MIER1: variants seen among roughly 807,000 people sequenced by gnomAD.
The protein encoded by MIER1 is MIER1 transcriptional regulator.
In MIER1, 40 loss-of-function variants were observed where a neutral mutation model predicts 75.7. That is an observed-to-expected ratio of 0.53 (90% CI 0.41 to 0.69). The LOEUF is 0.69. MIER1 is among the 30% of genes least tolerant of loss of function. The probability of loss-of-function intolerance (pLI) is 0.00; values close to 1 mark genes in which losing one functional copy is unlikely to be tolerated. For missense variants in MIER1, 574 were observed against 680.2 expected (o/e 0.84, Z 1.74); for synonymous variants, 213 against 223.4 (o/e 0.95, Z 0.42).
At chr1:66,971,499 T>C (rs1663604275) in intron 9 of MIER1, among the ~76,000 whole-genome samples, 156 bp from the exon 10 acceptor site, 1 of 152,114 alleles carries the variant, frequency 6.6e-6, no homozygotes, top group East Asian at 1.9e-4. Context: ...CGAATTCATA[T>C]TTGTTTTTCT....
At position 66,984,699 on chromosome 1, in the gene MIER1, T is replaced by C; in HGVS notation, c.1497T>C (p.Tyr499=). ...ATGCAGATATGGATACTAATGGTTA[T>C]GAAACAGATAACCTTACCACTGACC... is the stretch of plus-strand genomic sequence containing the variant. ...PLHADMDTNG[Y]ETDNLTTDPK... The change falls in exon 14 of 14, where the codon TAT becomes TAC. Residue 499 remains tyrosine, a synonymous_variant. Coordinates refer to ENST00000401041, the MANE Select transcript of MIER1 (RefSeq NM_001077700.3). 1.2e-6 allele frequency: 2 copies of C among 1,614,046 alleles called. No homozygotes were observed. The highest frequency in any genetic ancestry group is 2.2e-5 in the East Asian group (1 of 44,846).
chr1:66,950,955 T>C (rs1404698714), intron 4 of MIER1, among the ~76,000 whole-genome samples: 1 of 152,156 alleles, frequency 6.6e-6, no homozygotes, highest in East Asian at 1.9e-4. Context: ...GTACAACAGG[T>C]GTAAGAGTAC....
At chr1:66,971,589 T>C in intron 9 of MIER1, 66 bp from the exon 10 acceptor site, 3 of 821,788 alleles carry the variant, frequency 3.7e-6, no homozygotes, top group East Asian at 2.7e-5. Context: ...TGAAAAACTT[T>C]TAAGAAATTG....
At chr1:66,941,564 T>A (rs1656223615) in intron 3 of MIER1, among the ~76,000 whole-genome samples, 1 of 152,214 alleles carries the variant, frequency 6.6e-6, no homozygotes, top group Non-Finnish European at 1.5e-5. Context: ...CATCTGATAG[T>A]ACATAGATAC....
intron 4 of MIER1, chr1:66,947,224 T>A (rs1225396589): frequency 6.5e-6 from 1 of 153,142 alleles, no homozygotes; most frequent in African/African-American, 2.4e-5. Flanking sequence ...TTTAATTTAT[T>A]CCCTTGGTGT....
chr1:66,933,140 A>G (rs1653857749), intron 2 of MIER1, among the ~76,000 whole-genome samples: 2 of 152,134 alleles, frequency 1.3e-5, no homozygotes, highest in Admixed American at 1.3e-4. Flanking sequence ...CCAACCTTCT[A>G]AAAGGACGCT....
At chr1:66,945,291 A>ATATATATATATATATATATG (rs1657288947) in intron 3 of MIER1, among the ~76,000 whole-genome samples, 1 of 16,102 alleles carries the variant, frequency 6.2e-5, no homozygotes, top group African/African-American at 1.1e-4. Flanking sequence ...ATATATATAT[A>ATATATATATATATATATATG]TATATATATA....
chr1:66,947,782 T>C (rs1658007961), intron 4 of MIER1: 2 of 264,696 alleles, frequency 7.6e-6, no homozygotes. Flanking sequence ...TGCATGATAA[T>C]GGCCTCTTAC....
At chr1:66,973,508 A>G (rs1246981305) in intron 11 of MIER1, among the ~76,000 whole-genome samples, 1 of 152,092 alleles carries the variant, frequency 6.6e-6, no homozygotes, top group African/African-American at 2.4e-5. Context: ...TCTTATAGTT[A>G]TAATTTGAGG....
intron 8 of MIER1, among the ~76,000 whole-genome samples, chr1:66,967,407 A>G (rs991495812): frequency 6.6e-5 from 10 of 152,186 alleles, no homozygotes; most frequent in Admixed American, 2.0e-4. Flanking sequence ...GCTCTGTAGT[A>G]TAATTTGAAG....
chr1:66,938,876 C>T (rs1045320301), intron 2 of MIER1, among the ~76,000 whole-genome samples: 2 of 152,064 alleles, frequency 1.3e-5, no homozygotes, highest in African/African-American at 4.8e-5. Context: ...AATGAGTCAC[C>T]ATATGGAATC....
intron 13 of MIER1, among the ~76,000 whole-genome samples, chr1:66,984,013 T>C (rs150370968): frequency 0.019 from 2,874 of 152,350 alleles, 45 homozygotes; most frequent in Middle Eastern, 0.051. Flanking sequence ...CGTGAGCCAC[T>C]GCACCCAGCC....
At chr1:66,945,787 A>C (rs1287907887) in intron 3 of MIER1, among the ~76,000 whole-genome samples, 1 of 152,190 alleles carries the variant, frequency 6.6e-6, no homozygotes, top group Non-Finnish European at 1.5e-5. Context: ...TGGCCCTAGG[A>C]GGTCGAGGCT....
chr1:66,949,549 C>A (rs1429394598), intron 4 of MIER1, among the ~76,000 whole-genome samples: 1 of 152,194 alleles, frequency 6.6e-6, no homozygotes, highest in African/African-American at 2.4e-5. Context: ...TCAGATTCTT[C>A]TCTGACTTCT....
chr1:66,974,243 G>A (rs1348029814), intron 11 of MIER1, among the ~76,000 whole-genome samples: 1 of 151,966 alleles, frequency 6.6e-6, no homozygotes, highest in African/African-American at 2.4e-5. Flanking sequence ...TAACTTAGAA[G>A]ACAATGTAAT....
chr1:66,972,261 T>G (rs928248872), intron 10 of MIER1, among the ~76,000 whole-genome samples: 2 of 53,634 alleles, frequency 3.7e-5, no homozygotes, highest in African/African-American at 8.1e-5. Context: ...TATATATATA[T>G]AGATATGTAA....
chr1:66,951,854 C>T (rs1386632344), intron 4 of MIER1, among the ~76,000 whole-genome samples: 1 of 152,010 alleles, frequency 6.6e-6, no homozygotes, highest in African/African-American at 2.4e-5. Context: ...CTTAACCTGA[C>T]GTTAGATTTT....
At position 66,936,278 on chromosome 1, in the gene MIER1, G is replaced by A. The variant is rs187545928; in HGVS notation, c.169-3750G>A. On this transcript the variant is annotated intron_variant, in intron 2 of 13. Coordinates refer to ENST00000401041, the MANE Select transcript of MIER1 (RefSeq NM_001077700.3). ...GTCTCTGTTGCCCAGGCTGGAGTGC[G>A]GTGGCGCTTTCTGGGCTCACTGCAA... Among the ~76,000 whole-genome samples, 542 of 151,810 alleles carry A rather than the reference G, an allele frequency of 3.6e-3. 3 individuals are homozygous for A. Among genetic ancestry groups the A allele is most frequent in the African/African-American group, 0.012 (517 of 41,406 alleles).
intron 5 of MIER1, 81 bp downstream of exon 5, chr1:66,958,301 GTCTTTA>G (rs1660573067): frequency 2.2e-6 from 2 of 898,682 alleles, no homozygotes. Flanking sequence ...TTGATTACTT[GTCTTTA>G]TAATCTTTTC....
Sources: gnomAD v4.1 joint callset for allele counts (sites outside exome capture counted in the v4.1 genomes callset) on GRCh38, gnomAD v4.1.1 for gene constraint, MANE v1.5 for transcripts, NCBI Gene and HGNC (gene_info 2026-07-23, HGNC 2026-07-21) for gene names.